The following SP140L variants were observed in gnomAD, a reference collection of about 807,000 sequenced individuals.
SP140L encodes SP140 like nuclear body protein.
Under a neutral mutation model 84.3 loss-of-function variants are expected in SP140L, and 64 were observed. The observed-to-expected ratio is 0.76, with a 90% confidence interval of 0.62 to 0.94. SP140L has a LOEUF of 0.94. Among genes scored for constraint, SP140L ranks in the 40% least tolerant of loss-of-function variants. The pLI, the probability that SP140L is intolerant of heterozygous loss-of-function variation, is 0.00. For missense variants in SP140L, 628 were observed against 692.5 expected (o/e 0.91, Z 1.05); for synonymous variants, 242 against 236.9 (o/e 1.02, Z -0.20).
chr2:230,347,579 C>T (rs2060246533), intron 2 of SP140L, among the ~76,000 whole-genome samples: 1 of 152,128 alleles, frequency 6.6e-6, no homozygotes, highest in Admixed American at 6.5e-5. Flanking sequence ...GCTGGCTGGC[C>T]ACTGAGGCTG....
intron 2 of SP140L, among the ~76,000 whole-genome samples, chr2:230,339,627 G>A (rs1236988802): frequency 3.4e-5 from 5 of 146,336 alleles, no homozygotes; most frequent in Admixed American, 6.8e-5. Flanking sequence ...TCTCTTGTGG[G>A]CATTTAGTGC....
At chr2:230,393,231 C>A (rs2061900139) in intron 12 of SP140L, among the ~76,000 whole-genome samples, 183 bp from the exon 13 acceptor site, 1 of 152,164 alleles carries the variant, frequency 6.6e-6, no homozygotes, top group Non-Finnish European at 1.5e-5. Flanking sequence ...GATTTTCTGG[C>A]TTCTATTGAT....
intron 2 of SP140L, among the ~76,000 whole-genome samples, chr2:230,348,061 T>A (rs530866415): frequency 1.4e-4 from 22 of 152,324 alleles, no homozygotes; most frequent in Admixed American, 1.4e-3. Context: ...TAGCACAGAA[T>A]GCTACAGAAG....
At chr2:230,353,669 A>G (rs1387085059) in intron 2 of SP140L, among the ~76,000 whole-genome samples, 1 of 152,088 alleles carries the variant, frequency 6.6e-6, no homozygotes, top group African/African-American at 2.4e-5. Flanking sequence ...TATCAATATC[A>G]TCAATATTGA....
intron 14 of SP140L, 158 bp from the exon 15 acceptor site, chr2:230,399,969 C>T: frequency 1.5e-6 from 1 of 654,498 alleles, no homozygotes; most frequent in East Asian, 2.8e-5. Flanking sequence ...AGGATTTGTT[C>T]TGAAATCTCC....
rs770239392 is a variant in SP140L, at chr2:230,402,890, C to T, written c.1737C>T (p.Asn579=). The T allele has an allele frequency of 1.4e-5, 23 of 1,610,970 alleles. No individual in the cohort carries two copies. The East Asian group carries it at 4.9e-4, about 35-fold the overall frequency. ...TTGCTATTCAGGAAACAAATGGGAA[C>T]AGTTGACTGGTTTAGTGGATGCTGA... is the stretch of plus-strand genomic sequence containing the variant. The part of the protein sequence containing the change: ...EVFAIQETNG[N]S The change falls in exon 19 of 19, where the codon AAC becomes AAT. Residue 579 remains asparagine (N), a synonymous_variant. Coordinates refer to ENST00000415673, the MANE Select transcript of SP140L (RefSeq NM_138402.6).
rs763167203 is a variant in SP140L at position 230,401,013 on chromosome 2, TG to T, written c.1373del (p.Cys458PhefsTer17). 1.2e-4 allele frequency: 175 copies of T among 1,504,816 alleles called. No individual in the cohort carries two copies. The highest frequency in any genetic ancestry group is 1.6e-4 in the Non-Finnish European group (173 of 1,105,602). 93.2% of individuals were successfully genotyped at this position (1,504,816 alleles called of 1,614,324 possible). A position where few individuals can be genotyped will look rare whatever the true frequency, so the allele number is the denominator to read the frequency against. On this transcript the variant is annotated frameshift_variant, in exon 16 of 19. Transcript: ENST00000415673. LOFTEE classifies it high-confidence loss of function. ...GGAGTCTCCGGGAAGCCAACAGTGT[TG>T]TCAGGAATCTGAGGTCCTGGAGAGG... The part of the protein sequence containing the change: ...MKESPGSQQC[C>X]QESEVLERQM...
In SP140L at chr2:230,361,595, T is replaced by G; in HGVS notation, c.440-19T>G. On this transcript the variant is annotated intron_variant, in intron 4 of 18. Transcript: ENST00000415673. ...TCTCACAGATCTTTAATTGCTTTCT[T>G]CTCTCTCCCACTCTTCAGCAATCCA... is the stretch of plus-strand genomic sequence containing the variant. The G allele has an allele frequency of 6.5e-7, 1 of 1,546,962 alleles. No homozygotes were observed. The highest frequency in any genetic ancestry group is 8.8e-7 in the Non-Finnish European group (1 of 1,141,878).
At chr2:230,390,273 CA>C (rs146534322) in intron 11 of SP140L, among the ~76,000 whole-genome samples, 1,740 of 152,286 alleles carry the variant, frequency 0.011, 29 homozygotes, top group African/African-American at 0.039. Flanking sequence ...CGTCAATTCA[CA>C]GATGGAAAAT....
intron 5 of SP140L, among the ~76,000 whole-genome samples, chr2:230,366,474 C>T (rs2060873258): frequency 6.6e-6 from 1 of 151,744 alleles, no homozygotes; most frequent in Non-Finnish European, 1.5e-5. Flanking sequence ...GTGGAATATT[C>T]ACTTCTATCT....
rs538945631 is a variant in SP140L at position 230,363,665 on chromosome 2, T to A, written c.523+1968T>A. Among the ~76,000 whole-genome samples, 4 of 152,320 alleles carry A rather than the reference T, an allele frequency of 2.6e-5. No individual in the cohort carries two copies. The South Asian group carries it at 8.3e-4, about 32-fold the overall frequency. Reference sequence around the variant, plus strand: ...ATTGTTTCCTTGCCCATGCAGAAACTTTTTAGTTTGATGTAGTCTCACTTC... The same window carrying A: ...ATTGTTTCCTTGCCCATGCAGAAACATTTTAGTTTGATGTAGTCTCACTTC... On this transcript the variant is annotated intron_variant, in intron 5 of 18. Transcript: ENST00000415673.
Position 230,388,620 on chromosome 2 carries a change from A to G in SP140L, c.846A>G (p.Arg282=), listed in dbSNP as rs1042258021. Residue 282 remains arginine, a synonymous_variant, in exon 10 of 19, where the codon AGA becomes AGG. Transcript: ENST00000415673. The part of the protein sequence containing the change: ...FTQSDRAPQK[R]VRSRASRKHK... ...AGAGTGACAGAGCTCCACAGAAAAGAGTCCGATCAAGAGGTAAAAAAGAAA... is the reference window on the plus strand; with the variant it reads ...AGAGTGACAGAGCTCCACAGAAAAGGGTCCGATCAAGAGGTAAAAAAGAAA... 6.2e-7 allele frequency: 1 copy of G among 1,608,892 alleles called. No homozygotes were observed. Among genetic ancestry groups the G allele is most frequent in the South Asian group, 1.1e-5 (1 of 89,690 alleles).
At chr2:230,332,546 G>C (rs2059754984) in intron 2 of SP140L, among the ~76,000 whole-genome samples, 1 of 152,280 alleles carries the variant, frequency 6.6e-6, no homozygotes, top group Non-Finnish European at 1.5e-5. Flanking sequence ...ACAGTTTGAG[G>C]TTCATCAGTA....
At chr2:230,390,481 A>C (rs1048164989) in intron 11 of SP140L, among the ~76,000 whole-genome samples, 4 of 152,222 alleles carry the variant, frequency 2.6e-5, no homozygotes, top group African/African-American at 9.6e-5. Context: ...TGAGTAGAGA[A>C]GGGGACCTTT....
chr2:230,361,480 A>G lies in SP140L; in HGVS notation c.440-134A>G, dbSNP rs970570967. 6.5e-5 allele frequency: 45 copies of G among 691,442 alleles called. No homozygotes were observed. The African/African-American group carries it at 6.9e-4, about 11-fold the overall frequency. The allele number at this position is 691,442 out of a possible 1,614,324, so 42.8% of individuals were successfully genotyped here. ...GTTGAGGTCATCTCTTCTCTGTCCC[A>G]GAAGATGATAGGAGAAGTTTAAGTC... On this transcript the variant is annotated intron_variant, in intron 4 of 18. Transcript: ENST00000415673.
At position 230,358,947 on chromosome 2, in the gene SP140L, A is replaced by G. The variant is rs57080723; in HGVS notation, c.271-17A>G. 3 of 1,555,302 alleles carry G rather than the reference A, an allele frequency of 1.9e-6. No individual in the cohort carries two copies. The highest frequency in any genetic ancestry group is 2.3e-5 in the East Asian group (1 of 43,810). On this transcript the variant is annotated splice_polypyrimidine_tract_variant and intron_variant, in intron 3 of 18. Coordinates refer to ENST00000415673, the MANE Select transcript of SP140L (RefSeq NM_138402.6). ...GAAAGTCTGTATTTGTATTTTCTCC[A>G]TTCAATATTTTTAAAGGATTCTGAA...
At chr2:230,383,467 T>C in intron 7 of SP140L, 43 bp from the exon 8 acceptor site, 2 of 1,534,094 alleles carry the variant, frequency 1.3e-6, no homozygotes, top group Non-Finnish European at 1.8e-6. Context: ...AATAATTATA[T>C]TTATTCCTCT....
At chr2:230,363,773 T>G (rs575420300) in intron 5 of SP140L, among the ~76,000 whole-genome samples, 1 of 152,260 alleles carries the variant, frequency 6.6e-6, no homozygotes, top group African/African-American at 2.4e-5. Context: ...GCTTTTCCCC[T>G]GTTTTCTTCC....
chr2:230,352,162 T>G (rs2060384836), intron 2 of SP140L, among the ~76,000 whole-genome samples: 2 of 152,192 alleles, frequency 1.3e-5, no homozygotes, highest in Admixed American at 1.3e-4. Flanking sequence ...TATTTGCTAT[T>G]TAGTCTGAGT....
Sources: allele counts gnomAD v4.1 joint callset (sites outside exome capture counted in the v4.1 genomes callset), GRCh38; gene constraint gnomAD v4.1.1; transcripts MANE v1.5; gene names NCBI Gene and HGNC (gene_info 2026-07-23, HGNC 2026-07-21).